The following CDKN2B-AS1 variants were observed in gnomAD, a reference collection of about 807,000 sequenced individuals.
The protein encoded by CDKN2B-AS1 is CDKN2B and CDKN2A antisense cis and trans regulatory RNA 1.
intron 1 of CDKN2B-AS1, among the ~76,000 whole-genome samples, chr9:22,014,420 C>T (rs1821650115): frequency 6.6e-6 from 1 of 152,108 alleles, no homozygotes; most frequent in Non-Finnish European, 1.5e-5. Flanking sequence ...CTGCTTCAGC[C>T]TCCCAAAGTG....
intron 1 of CDKN2B-AS1, among the ~76,000 whole-genome samples, chr9:22,013,899 T>C (rs991031859): frequency 6.6e-6 from 1 of 152,210 alleles, no homozygotes; most frequent in Admixed American, 6.5e-5. Flanking sequence ...AACATTTTTC[T>C]TTGTCATTTG....
At chr9:22,115,120 G>A (rs1010000700) in intron 4 of CDKN2B-AS1, among the ~76,000 whole-genome samples, 1 of 152,132 alleles carries the variant, frequency 6.6e-6, no homozygotes, top group Non-Finnish European at 1.5e-5. Flanking sequence ...GTCAGACAAA[G>A]GAAACTTCAT....
intron 1 of CDKN2B-AS1, among the ~76,000 whole-genome samples, chr9:22,028,540 G>T (rs758893798): frequency 1.8e-4 from 28 of 152,070 alleles, no homozygotes; most frequent in Non-Finnish European, 5.9e-5. Context: ...GGATTTTAAT[G>T]TTGACACCCT....
At chr9:22,106,838 A>T (rs1825672880) in intron 4 of CDKN2B-AS1, among the ~76,000 whole-genome samples, 1 of 152,232 alleles carries the variant, frequency 6.6e-6, no homozygotes, top group Admixed American at 6.5e-5. Flanking sequence ...GGAGTATCTA[A>T]TTGGATCTTA....
At chr9:22,030,522 A>G (rs986147887) in intron 1 of CDKN2B-AS1, 2 of 152,184 alleles carry the variant, frequency 1.3e-5, no homozygotes, top group African/African-American at 2.4e-5. Flanking sequence ...CAGTGACACA[A>G]TGTAAAATTG....
chr9:22,106,420 T>C (rs1825661025), intron 4 of CDKN2B-AS1, among the ~76,000 whole-genome samples: 1 of 152,200 alleles, frequency 6.6e-6, no homozygotes, highest in Admixed American at 6.5e-5. Flanking sequence ...TTACACCATG[T>C]TGACCAGGCT....
intron 4 of CDKN2B-AS1, among the ~76,000 whole-genome samples, chr9:22,090,868 T>G (rs1464682275): frequency 6.6e-6 from 1 of 152,176 alleles, no homozygotes; most frequent in Non-Finnish European, 1.5e-5. Flanking sequence ...TTGTTGCCAT[T>G]GCTTTTGGTG....
At chr9:22,008,923 C>T in intron 1 of CDKN2B-AS1, 2 of 1,612,980 alleles carry the variant, frequency 1.2e-6, no homozygotes, top group African/African-American at 1.3e-5. Context: ...CTGCCGCCCC[C>T]ACTGGGCATG....
intron 1 of CDKN2B-AS1, among the ~76,000 whole-genome samples, chr9:22,027,264 A>G (rs1323641221): frequency 6.6e-6 from 1 of 151,162 alleles, no homozygotes; most frequent in Non-Finnish European, 1.5e-5. Flanking sequence ...TTTTACATTT[A>G]TTTACATTGT....
intron 4 of CDKN2B-AS1, among the ~76,000 whole-genome samples, chr9:22,089,979 C>G (rs1334764350): frequency 9.6e-6 from 1 of 104,298 alleles, no homozygotes; most frequent in Admixed American, 1.3e-4. Flanking sequence ...CCTCCCCCCT[C>G]CCCCCACCCC....
intron 1 of CDKN2B-AS1, among the ~76,000 whole-genome samples, chr9:22,002,330 T>C (rs548158202): frequency 3.4e-4 from 52 of 152,190 alleles, no homozygotes; most frequent in African/African-American, 1.3e-3. Context: ...TTAGTTCTAC[T>C]TGCTCCACTT....
chr9:22,022,773 C>A (rs1037379058), intron 1 of CDKN2B-AS1, among the ~76,000 whole-genome samples: 1 of 152,154 alleles, frequency 6.6e-6, no homozygotes, highest in Admixed American at 6.5e-5. Flanking sequence ...ATGGTCTTTC[C>A]TTTCCACAAT....
intron 1 of CDKN2B-AS1, among the ~76,000 whole-genome samples, chr9:22,043,703 T>C (rs1266009620): frequency 1.3e-5 from 2 of 152,062 alleles, no homozygotes; most frequent in Admixed American, 6.6e-5. Flanking sequence ...ATTATGCTTC[T>C]GAAAATATAC....
chr9:22,027,496 C>A (rs1012218187), intron 1 of CDKN2B-AS1, among the ~76,000 whole-genome samples: 7 of 152,132 alleles, frequency 4.6e-5, no homozygotes, highest in Non-Finnish European at 7.4e-5. Flanking sequence ...TCTCTCTATT[C>A]ATTCTTACCA....
rs1821134752 is a variant in CDKN2B-AS1 at position 22,005,619 on chromosome 9, G to C, written n.29+10458G>C. On this transcript the variant is annotated intron_variant and non_coding_transcript_variant, in intron 1 of 4. Coordinates refer to ENST00000650946, the Ensembl canonical transcript of CDKN2B-AS1. This position sits in a 1 kb window ranked among gnomAD's most constrained non-coding sequence, Gnocchi z 4.9. ...CACTGCCTTCTCCCACTCAGCGCTGGAGTGGGAGATTCATCCATCGGAAGA... is the reference window on the plus strand; with the variant it reads ...CACTGCCTTCTCCCACTCAGCGCTGCAGTGGGAGATTCATCCATCGGAAGA... 2.2e-6 allele frequency: 1 copy of C among 450,182 alleles called. No homozygotes were observed. The highest frequency in any genetic ancestry group is 2.2e-5 in the South Asian group (1 of 45,318). 27.9% of individuals were successfully genotyped at this position (450,182 alleles called of 1,614,324 possible). A position where few individuals can be genotyped will look rare whatever the true frequency, so the allele number is the denominator to read the frequency against.
At chr9:22,043,658 C>G (rs544030359) in intron 1 of CDKN2B-AS1, among the ~76,000 whole-genome samples, 1 of 152,022 alleles carries the variant, frequency 6.6e-6, no homozygotes, top group East Asian at 1.9e-4. Flanking sequence ...TATGTGCCAT[C>G]TTCATGATTA....
chr9:22,117,531 G>T (rs570646158), intron 4 of CDKN2B-AS1: 31 of 152,300 alleles, frequency 2.0e-4, no homozygotes, highest in African/African-American at 7.2e-4. Context: ...AGGAGAGGAG[G>T]ATTCATACAT....
At chr9:22,038,026 T>G (rs1056513431) in intron 1 of CDKN2B-AS1, among the ~76,000 whole-genome samples, 2 of 152,066 alleles carry the variant, frequency 1.3e-5, no homozygotes, top group Non-Finnish European at 2.9e-5. Flanking sequence ...GAAAAGCCTC[T>G]TGCACAATTT....
At chr9:22,089,649 C>G (rs925093140) in intron 4 of CDKN2B-AS1, among the ~76,000 whole-genome samples, 3 of 151,820 alleles carry the variant, frequency 2.0e-5, no homozygotes, top group African/African-American at 7.3e-5. Context: ...AAGTTTTCTC[C>G]ATGTTGCTGA....
Sources: allele counts gnomAD v4.1 joint callset (sites outside exome capture counted in the v4.1 genomes callset), GRCh38; gene constraint gnomAD v4.1.1; non-coding constraint Gnocchi (gnomAD v3.1); transcripts MANE v1.5; gene names NCBI Gene and HGNC (gene_info 2026-07-23, HGNC 2026-07-21).